The following CYP19A1 variants were observed in gnomAD, a reference collection of about 807,000 sequenced individuals.
CYP19A1 encodes aromatase.
CYP19A1 carries 32 observed loss-of-function variants against 44.4 expected under a neutral mutation model. The ratio of observed to expected loss-of-function variants is 0.72; its 90% CI spans 0.54 to 0.97. The LOEUF (loss-of-function observed/expected upper bound fraction) is 0.97. CYP19A1 is among the 50% of genes least tolerant of loss of function. The probability of loss-of-function intolerance (pLI) is 0.00; values close to 1 mark genes in which losing one functional copy is unlikely to be tolerated. For missense variants in CYP19A1, 598 were observed against 637.8 expected, an observed-to-expected ratio of 0.94 and a Z score of 0.67; for synonymous variants, 212 against 215.6, an observed-to-expected ratio of 0.98 and a Z score of 0.14.
Position 51,210,724 on chromosome 15 carries a change from G to T in CYP19A1, c.*84C>A. 3 of 917,008 alleles carry T rather than the reference G, an allele frequency of 3.3e-6. No homozygotes were observed. Among genetic ancestry groups the T allele is most frequent in the Non-Finnish European group, 5.5e-6 (3 of 543,682 alleles). 56.8% of individuals were successfully genotyped at this position (917,008 alleles called of 1,614,324 possible). A position where few individuals can be genotyped will look rare whatever the true frequency, so the allele number is the denominator to read the frequency against. On this transcript the variant is annotated 3_prime_UTR_variant, in exon 10 of 10. Transcript: ENST00000396402. ...ATGGGCCACTGAGTGTTCACTGTGA[G>T]GATGACACTATTGGCAAGGATGGAT...
intron 3 of CYP19A1, among the ~76,000 whole-genome samples, chr15:51,232,846 C>T (rs2033132428): frequency 6.6e-6 from 1 of 152,226 alleles, no homozygotes; most frequent in Admixed American, 6.5e-5. Flanking sequence ...AATGATTCTG[C>T]TGAAACATAA....
At chr15:51,290,648 G>A (rs1021231068) in intron 1 of CYP19A1, among the ~76,000 whole-genome samples, 2 of 152,142 alleles carry the variant, frequency 1.3e-5, no homozygotes, top group Non-Finnish European at 2.9e-5. Context: ...CTAGTTGCAA[G>A]ATACATGCCT....
chr15:51,243,318 T>G (rs2033890530), intron 1 of CYP19A1, among the ~76,000 whole-genome samples: 1 of 152,198 alleles, frequency 6.6e-6, no homozygotes, highest in Admixed American at 6.5e-5. Context: ...ATTTTGTGAC[T>G]TCATCAGCAG....
At chr15:51,254,128 T>G (rs1463894872) in intron 1 of CYP19A1, among the ~76,000 whole-genome samples, 2 of 152,188 alleles carry the variant, frequency 1.3e-5, no homozygotes, top group Admixed American at 6.5e-5. Context: ...TTACCTCCCA[T>G]TCAGTGATAC....
intron 1 of CYP19A1, among the ~76,000 whole-genome samples, chr15:51,253,930 GA>G (rs1269214179): frequency 1.3e-5 from 2 of 152,192 alleles, no homozygotes; most frequent in Non-Finnish European, 2.9e-5. Context: ...GCAAGTAGAG[GA>G]GAGGTATTTG....
chr15:51,272,495 A>C (rs1450752659), intron 1 of CYP19A1, among the ~76,000 whole-genome samples: 4 of 152,226 alleles, frequency 2.6e-5, no homozygotes, highest in African/African-American at 7.2e-5. Context: ...GAGCTTCCTC[A>C]TCTGGAAAAT....
At chr15:51,225,405 C>T (rs545336406) in intron 4 of CYP19A1, among the ~76,000 whole-genome samples, 1 of 152,314 alleles carries the variant, frequency 6.6e-6, no homozygotes, top group African/African-American at 2.4e-5. Flanking sequence ...TCTACGGGAT[C>T]TTATAGCATT....
chr15:51,217,207 G>T (rs2031658489), intron 6 of CYP19A1, among the ~76,000 whole-genome samples: 1 of 152,206 alleles, frequency 6.6e-6, no homozygotes, highest in South Asian at 2.1e-4. Context: ...TCTGGGAGGT[G>T]TTGGAATGCC....
At chr15:51,226,999 A>G (rs2032637475) in intron 4 of CYP19A1, among the ~76,000 whole-genome samples, 1 of 152,162 alleles carries the variant, frequency 6.6e-6, no homozygotes, top group Non-Finnish European at 1.5e-5. Context: ...CTGGGCTGTC[A>G]GTCAAGCACT....
At chr15:51,238,492 G>GCCATCCTTTTTTTTGAGA (rs1248736258) in intron 2 of CYP19A1, among the ~76,000 whole-genome samples, 1 of 152,046 alleles carries the variant, frequency 6.6e-6, no homozygotes, top group African/African-American at 2.4e-5. Context: ...AGTTTTAAAT[G>GCCATCCTTTTTTTTGAGA]CCATCCTTTT....
intron 1 of CYP19A1, among the ~76,000 whole-genome samples, chr15:51,261,836 G>A (rs759905588): frequency 1.3e-5 from 2 of 152,260 alleles, no homozygotes; most frequent in African/African-American, 4.8e-5. Context: ...TGGAGAGGCC[G>A]ATGGGTGAAG....
intron 1 of CYP19A1, among the ~76,000 whole-genome samples, chr15:51,308,360 G>A (rs2036251904): frequency 6.6e-6 from 1 of 152,140 alleles, no homozygotes; most frequent in South Asian, 2.1e-4. Flanking sequence ...AAAATGTCCT[G>A]GGAAATAATC....
intron 1 of CYP19A1, among the ~76,000 whole-genome samples, chr15:51,317,258 T>C (rs1460275421): frequency 6.6e-6 from 1 of 152,066 alleles, no homozygotes; most frequent in Admixed American, 6.5e-5. Flanking sequence ...TCCACCACCA[T>C]GCCTGGCTAA....
intron 4 of CYP19A1, among the ~76,000 whole-genome samples, 182 bp from the exon 5 acceptor site, chr15:51,222,707 A>G (rs2032220362): frequency 6.6e-6 from 1 of 152,260 alleles, no homozygotes; most frequent in African/African-American, 2.4e-5. Flanking sequence ...ATAAGCATGT[A>G]CTATCCTATG....
intron 1 of CYP19A1, among the ~76,000 whole-genome samples, chr15:51,258,826 T>C (rs2034610161): frequency 6.6e-6 from 1 of 151,954 alleles, no homozygotes; most frequent in African/African-American, 2.4e-5. Flanking sequence ...TTTTAACATG[T>C]AAATCTGATT....
In CYP19A1 at chr15:51,241,120, C is replaced by T. The variant is rs560401808; in HGVS notation, c.145+1648G>A. Among the ~76,000 whole-genome samples the T allele has an allele frequency of 1.6e-4, 25 of 152,326 alleles. 1 individual carries two copies. The South Asian group carries it at 5.0e-3, about 30-fold the overall frequency. On this transcript the variant is annotated intron_variant, in intron 2 of 9. Coordinates refer to ENST00000396402, the MANE Select transcript of CYP19A1 (RefSeq NM_000103.4). ...CTGTCAGTGGATCAGCATGATGGCC[C>T]TGGCCCAGAAATGGTGGACAGAGTG...
chr15:51,337,513 A>C (rs1480923471), intron 1 of CYP19A1, among the ~76,000 whole-genome samples: 1 of 152,252 alleles, frequency 6.6e-6, no homozygotes, highest in Non-Finnish European at 1.5e-5. Flanking sequence ...CAGTTAAAAA[A>C]CAGTTTCAAG....
chr15:51,309,720 C>CTAGAAGGG (rs1238632414), intron 1 of CYP19A1, among the ~76,000 whole-genome samples: 1 of 152,178 alleles, frequency 6.6e-6, no homozygotes, highest in Non-Finnish European at 1.5e-5. Context: ...ATAGAAGTTT[C>CTAGAAGGG]TAGAAGGGCA....
chr15:51,258,635 C>CT (rs869203573), intron 1 of CYP19A1, among the ~76,000 whole-genome samples: 2 of 22,286 alleles, frequency 9.0e-5, no homozygotes, highest in East Asian at 3.7e-3. Flanking sequence ...GGAGTCCAGG[C>CT]CCCTGCTCCA....
Sources: gnomAD v4.1 joint callset for allele counts (sites outside exome capture counted in the v4.1 genomes callset) on GRCh38, gnomAD v4.1.1 for gene constraint, MANE v1.5 for transcripts, NCBI Gene and HGNC (gene_info 2026-07-23, HGNC 2026-07-21) for gene names.